The following INPP4B variants were observed in gnomAD, a reference collection of about 807,000 sequenced individuals.
INPP4B encodes the protein inositol polyphosphate 4-phosphatase type II.
In INPP4B, 55 loss-of-function variants were observed where a neutral mutation model predicts 122.5. The observed-to-expected ratio is 0.45, with a 90% CI of 0.36 to 0.56. The LOEUF (loss-of-function observed/expected upper bound fraction) is 0.56, where lower values mean the gene tolerates loss of function less well. Among genes scored for constraint, INPP4B ranks in the 20% least tolerant of loss-of-function variants. The pLI is 0.00. For missense variants in INPP4B, 1,000 were observed against 1,097.7 expected (o/e 0.91, Z 1.26); for synonymous variants, 403 against 388.7 (o/e 1.04, Z -0.43).
chr4:142,546,508 T>C (rs1323903550), intron 2 of INPP4B, among the ~76,000 whole-genome samples: 1 of 152,116 alleles, frequency 6.6e-6, no homozygotes, highest in African/African-American at 2.4e-5. Flanking sequence ...GAGCCTTAGA[T>C]AGCATCATGA....
intron 9 of INPP4B, among the ~76,000 whole-genome samples, chr4:142,273,058 T>G (rs2150610367): frequency 6.6e-6 from 1 of 152,134 alleles, no homozygotes; most frequent in Admixed American, 6.6e-5. Flanking sequence ...ACTCAAGAGT[T>G]TGAGTTATCT....
chr4:142,516,066 G>T (rs1364920), intron 2 of INPP4B, among the ~76,000 whole-genome samples: 26,109 of 151,948 alleles, frequency 0.17, 2,383 homozygotes, highest in East Asian at 0.3. Context: ...TCTCAAAGGG[G>T]CAATCCAGTC....
intron 7 of INPP4B, among the ~76,000 whole-genome samples, chr4:142,349,434 C>T (rs906396370): frequency 9.9e-5 from 15 of 151,958 alleles, no homozygotes; most frequent in African/African-American, 3.1e-4. Context: ...AGTAGCTTAG[C>T]ACTAAGTGGT....
intron 8 of INPP4B, among the ~76,000 whole-genome samples, chr4:142,314,237 G>T (rs1466419390): frequency 6.6e-6 from 1 of 152,172 alleles, no homozygotes; most frequent in Admixed American, 6.6e-5. Flanking sequence ...GTTCAGTGCA[G>T]CAAGAAAACC....
intron 7 of INPP4B, among the ~76,000 whole-genome samples, chr4:142,391,023 C>A (rs1395369126): frequency 6.6e-6 from 1 of 152,044 alleles, no homozygotes; most frequent in Non-Finnish European, 1.5e-5. Context: ...TGAATATAAA[C>A]CAGACTGACT....
intron 7 of INPP4B, among the ~76,000 whole-genome samples, chr4:142,369,083 G>C (rs1788713304): frequency 6.6e-6 from 1 of 152,010 alleles, no homozygotes; most frequent in African/African-American, 2.4e-5. Context: ...AAAAAGTAGG[G>C]AACATTAGAA....
intron 7 of INPP4B, among the ~76,000 whole-genome samples, chr4:142,336,047 A>AT (rs1246955869): frequency 1.3e-5 from 2 of 152,222 alleles, no homozygotes; most frequent in African/African-American, 2.4e-5. Flanking sequence ...TTCTGATCCC[A>AT]TAAAAACCCC....
At chr4:142,253,124 A>G (rs1242784905) in intron 11 of INPP4B, among the ~76,000 whole-genome samples, 2 of 152,212 alleles carry the variant, frequency 1.3e-5, no homozygotes, top group Non-Finnish European at 2.9e-5. Flanking sequence ...TACAGTAAAA[A>G]TATGGTATAA....
intron 7 of INPP4B, among the ~76,000 whole-genome samples, chr4:142,373,468 T>A (rs1257276638): frequency 2.0e-5 from 3 of 152,006 alleles, no homozygotes; most frequent in Non-Finnish European, 4.4e-5. Context: ...AGTATGATGA[T>A]TAAGAAGAGC....
intron 2 of INPP4B, among the ~76,000 whole-genome samples, chr4:142,673,249 C>T (rs546362311): frequency 1.3e-5 from 2 of 152,036 alleles, no homozygotes; most frequent in South Asian, 2.1e-4. Flanking sequence ...ATCAATTTAC[C>T]AATTTCTATT....
At chr4:142,384,014 C>G in intron 7 of INPP4B, 4 of 695,894 alleles carry the variant, frequency 5.7e-6, no homozygotes, top group Non-Finnish European at 1.0e-5. Flanking sequence ...GGCCAACCAT[C>G]CTGCAGACAT....
At chr4:142,152,633 G>A (rs764162931) in intron 17 of INPP4B, among the ~76,000 whole-genome samples, 1 of 151,542 alleles carries the variant, frequency 6.6e-6, no homozygotes, top group South Asian at 2.1e-4. Flanking sequence ...ATCTTCTGTT[G>A]CCCAGACCAG....
intron 1 of INPP4B, among the ~76,000 whole-genome samples, chr4:142,805,418 G>A (rs1483525547): frequency 6.6e-6 from 1 of 152,212 alleles, no homozygotes; most frequent in African/African-American, 2.4e-5. Flanking sequence ...TACAACTAGA[G>A]TAAGAAAGTC....
At chr4:142,619,057 A>T (rs1744317004) in intron 2 of INPP4B, among the ~76,000 whole-genome samples, 1 of 151,980 alleles carries the variant, frequency 6.6e-6, no homozygotes, top group East Asian at 1.9e-4. Context: ...TACACCTCTT[A>T]AGATGGTTTT....
At chr4:142,543,104 T>C (rs1268248705) in intron 2 of INPP4B, among the ~76,000 whole-genome samples, 1 of 152,212 alleles carries the variant, frequency 6.6e-6, no homozygotes, top group African/African-American at 2.4e-5. Context: ...AGTATTGATG[T>C]ATGTGCACAA....
chr4:142,481,663 A>T (rs1439037987), intron 2 of INPP4B, among the ~76,000 whole-genome samples: 2 of 152,130 alleles, frequency 1.3e-5, no homozygotes, highest in African/African-American at 4.8e-5. Context: ...GTGGCTAGGT[A>T]TAATTTGGGA....
At chr4:142,705,289 G>A (rs952891696) in intron 2 of INPP4B, among the ~76,000 whole-genome samples, 2 of 152,066 alleles carry the variant, frequency 1.3e-5, no homozygotes, top group East Asian at 1.9e-4. Context: ...AGACACTTGC[G>A]TGGGCTTTCA....
intron 25 of INPP4B, among the ~76,000 whole-genome samples, chr4:142,081,663 T>C (rs1374198719): frequency 6.6e-6 from 1 of 152,144 alleles, no homozygotes. Context: ...TTATGCATCA[T>C]GAAAACTTGC....
At chr4:142,427,156 T>C (rs1808278925) in intron 5 of INPP4B, 1 of 178,082 alleles carries the variant, frequency 5.6e-6, no homozygotes, top group South Asian at 1.9e-4. Context: ...GTAATACCCT[T>C]GAAAGAGTAG....
Sources: allele counts gnomAD v4.1 joint callset (sites outside exome capture counted in the v4.1 genomes callset), GRCh38; gene constraint gnomAD v4.1.1; transcripts MANE v1.5; gene names NCBI Gene and HGNC (gene_info 2026-07-23, HGNC 2026-07-21).